Variants in SP140 observed in about 807,000 individuals in gnomAD.
The protein encoded by SP140 is SP140 nuclear body protein.
Under a neutral mutation model 125.0 loss-of-function variants are expected in SP140, and 81 were observed. The observed-to-expected ratio is 0.65, with a 90% CI of 0.54 to 0.78. SP140 has a LOEUF of 0.78. SP140 is among the 30% of genes least tolerant of loss of function. The pLI is 0.00. For synonymous variants in SP140, 312 were observed against 354.0 expected (o/e 0.88, Z 1.33); for missense variants, 858 against 1,037.0 (o/e 0.83, Z 2.37).
At chr2:230,214,705 AT>A (rs931829147) in intron 3 of SP140, among the ~76,000 whole-genome samples, 4 of 151,946 alleles carry the variant, frequency 2.6e-5, no homozygotes, top group African/African-American at 7.3e-5. Flanking sequence ...AAATTGTATG[AT>A]TTTTTTCCAA....
chr2:230,238,885 A>G lies in SP140; in HGVS notation c.406+504A>G, dbSNP rs754040884. The G allele has an allele frequency of 2.6e-6, 4 of 1,551,578 alleles. No homozygotes were observed. In the South Asian group the frequency reaches 4.8e-5, roughly 18 times the overall value. On this transcript the variant is annotated intron_variant, in intron 3 of 26. Transcript: ENST00000392045. ...GGAGCTGCATGTGAAAGCTATGAAG[A>G]CAGAAAAGGGGGTTGGTGGGGGCCT...
chr2:230,265,790 CG>C (rs34044277), intron 12 of SP140, among the ~76,000 whole-genome samples: 57,857 of 142,546 alleles, frequency 0.41, 11,284 homozygotes, highest in Middle Eastern at 0.51. Flanking sequence ...CTCAGTTTTA[CG>C]GGGGGGGGCG....
chr2:230,286,923 A>G (rs2056456246), intron 17 of SP140, among the ~76,000 whole-genome samples: 1 of 152,194 alleles, frequency 6.6e-6, no homozygotes, highest in Non-Finnish European at 1.5e-5. Flanking sequence ...TAGGCTGGAA[A>G]ATATTTCCTC....
At chr2:230,281,195 G>A (rs974912275) in intron 15 of SP140, among the ~76,000 whole-genome samples, 2 of 152,110 alleles carry the variant, frequency 1.3e-5, no homozygotes, top group Admixed American at 6.5e-5. Flanking sequence ...TGGGAGAATT[G>A]TACACTAAAC....
chr2:230,245,800 T>G lies in SP140; in HGVS notation c.665-63T>G. Reference sequence around the variant, plus strand: ...TACACCCGAATATTAGAGCTCAGCATGGATCCAGGTAGGTGTCCAGGTCAC... The same window carrying G: ...TACACCCGAATATTAGAGCTCAGCAGGGATCCAGGTAGGTGTCCAGGTCAC... On this transcript the variant is annotated intron_variant, in intron 6 of 26. Coordinates refer to ENST00000392045, the MANE Select transcript of SP140 (RefSeq NM_007237.5). The G allele has an allele frequency of 4.8e-6, 5 of 1,035,824 alleles. No individual in the cohort carries two copies. In the South Asian group the frequency reaches 6.4e-5, roughly 13 times the overall value. 64.2% of individuals were successfully genotyped at this position (1,035,824 alleles called of 1,614,324 possible).
At chr2:230,265,535 C>A (rs1461158601) in intron 12 of SP140, among the ~76,000 whole-genome samples, 1 of 152,138 alleles carries the variant, frequency 6.6e-6, no homozygotes, top group Non-Finnish European at 1.5e-5. Context: ...GTAGTTTTAC[C>A]CCCTGCTCCT....
intron 15 of SP140, among the ~76,000 whole-genome samples, chr2:230,280,605 C>T (rs2055399781): frequency 6.6e-6 from 1 of 152,074 alleles, no homozygotes; most frequent in African/African-American, 2.4e-5. Flanking sequence ...ATATTCTCCC[C>T]TTTCTCCCTG....
At chr2:230,266,042 G>A (rs867421984) in intron 12 of SP140, among the ~76,000 whole-genome samples, 13 of 152,064 alleles carry the variant, frequency 8.5e-5, no homozygotes, top group Non-Finnish European at 1.6e-4. Context: ...CATGAGAATG[G>A]CCCCAAGATA....
At chr2:230,258,457 A>C (rs1375664065) in intron 12 of SP140, among the ~76,000 whole-genome samples, 1 of 152,210 alleles carries the variant, frequency 6.6e-6, no homozygotes, top group Non-Finnish European at 1.5e-5. Context: ...TTGCTCCAAG[A>C]ATACTCACCA....
In SP140 at chr2:230,292,761, C is replaced by G; in HGVS notation, c.1941C>G (p.Gly647=). ...SKNWRLSVRC[G]GWPLRWLMEN... ...ACTGGAGGCTGAGTGTGCGCTGTGG[C>G]GGGTGGCCCCTACGATGGCTGATGG... The change falls in exon 20 of 27, where the codon GGC becomes GGG. Residue 647 remains glycine, a synonymous_variant. Transcript: ENST00000392045. 1.2e-6 allele frequency: 2 copies of G among 1,614,162 alleles called. No homozygotes were observed. The highest frequency in any genetic ancestry group is 1.7e-6 in the Non-Finnish European group (2 of 1,180,012).
At chr2:230,292,891 G>A in intron 20 of SP140, 103 bp downstream of exon 20, 1 of 1,522,500 alleles carries the variant, frequency 6.6e-7, no homozygotes, top group Non-Finnish European at 8.9e-7. Context: ...CTAAAGCCTT[G>A]ATGCCAGTGG....
intron 10 of SP140, among the ~76,000 whole-genome samples, chr2:230,253,079 C>T (rs1011705124): frequency 6.6e-6 from 1 of 152,036 alleles, no homozygotes; most frequent in African/African-American, 2.4e-5. Context: ...AAACAGGAGG[C>T]AGGAGAGGCC....
intron 12 of SP140, among the ~76,000 whole-genome samples, chr2:230,264,762 A>G (rs1327107136): frequency 6.6e-6 from 1 of 152,198 alleles, no homozygotes; most frequent in African/African-American, 2.4e-5. Context: ...CTAGTGACCC[A>G]GTGAGTCTAC....
rs377377853 is a variant in SP140 at position 230,287,803 on chromosome 2, T to G, written c.1646-89T>G. 8.4e-5 allele frequency: 97 copies of G among 1,154,870 alleles called. No homozygotes were observed. The South Asian group carries it at 1.6e-3, about 19-fold the overall frequency. The allele number at this position is 1,154,870 out of a possible 1,614,324, so 71.5% of individuals were successfully genotyped here. A position where few individuals can be genotyped will look rare whatever the true frequency, so the allele number is the denominator to read the frequency against. ...ATACATTAAACAGGCTTTTGGAAAG[T>G]TACATTTAAATGGAATTTTTGAAAA... On this transcript the variant is annotated intron_variant, in intron 17 of 26. Coordinates refer to ENST00000392045, the MANE Select transcript of SP140 (RefSeq NM_007237.5).
At chr2:230,206,615 A>T (rs1321470957) in intron 1 of SP140, among the ~76,000 whole-genome samples, 2 of 78,148 alleles carry the variant, frequency 2.6e-5, no homozygotes, top group Admixed American at 1.4e-4. Flanking sequence ...ATATATATAT[A>T]TATATATATA....
chr2:230,246,478 C>T (rs954837603), intron 7 of SP140, among the ~76,000 whole-genome samples: 1 of 151,976 alleles, frequency 6.6e-6, no homozygotes, highest in Admixed American at 6.6e-5. Flanking sequence ...CTTATTTTCT[C>T]GAGGTTATGC....
chr2:230,212,738 G>A, intron 1 of SP140: 1 of 1,613,698 alleles, frequency 6.2e-7, no homozygotes, highest in South Asian at 1.1e-5. Context: ...ATATACAGGT[G>A]TTGGATGGGA....
At chr2:230,209,840 T>C (rs2044274983) in intron 1 of SP140, 2 of 812,002 alleles carry the variant, frequency 2.5e-6, no homozygotes, top group Non-Finnish European at 4.4e-6. Context: ...TGTGGTCACA[T>C]AGTGGTGCTC....
intron 21 of SP140, among the ~76,000 whole-genome samples, chr2:230,297,155 A>C (rs144322833): frequency 0.015 from 2,359 of 152,324 alleles, 61 homozygotes; most frequent in African/African-American, 0.054. Flanking sequence ...GGGTTATCAT[A>C]GAAAGATGAT....
Sources: allele counts gnomAD v4.1 joint callset (sites outside exome capture counted in the v4.1 genomes callset), GRCh38; gene constraint gnomAD v4.1.1; transcripts MANE v1.5; gene names NCBI Gene and HGNC (gene_info 2026-07-23, HGNC 2026-07-21).